Variants in PCDHGA2 observed in about 807,000 individuals in gnomAD.
PCDHGA2 encodes protocadherin gamma subfamily A, 2.
PCDHGA2 carries 40 observed loss-of-function variants against 59.2 expected under a neutral mutation model. The ratio of observed to expected loss-of-function variants is 0.68; its 90% CI spans 0.52 to 0.88. The LOEUF (loss-of-function observed/expected upper bound fraction) is 0.88, where lower values mean the gene tolerates loss of function less well. Ranked by LOEUF, PCDHGA2 falls within the 40% of genes least tolerant of loss-of-function variation. The pLI is 0.00. For synonymous variants in PCDHGA2, 560 were observed against 526.0 expected (o/e 1.06, Z -0.89); for missense variants, 1,226 against 1,204.0 (o/e 1.02, Z -0.27).
In PCDHGA2 at chr5:141,340,226, A is replaced by G. The variant is rs757697109; in HGVS notation, c.1255A>G (p.Asn419Asp). 6.2e-7 allele frequency: 1 copy of G among 1,614,118 alleles called. No individual in the cohort carries two copies. The highest frequency in any genetic ancestry group is 1.7e-5 in the Admixed American group (1 of 60,020). ...TGACAGGGAACAGTTTTCCTTTTAC[A>G]ACATCACTCTAACCGCTAAAGATGG... ...ALDREQFSFY[N>D]ITLTAKDGGN... Residue 419 changes from asparagine to aspartate, a missense_variant, in exon 1 of 4, where the codon AAC becomes GAC. Asn to Asp is a conservative substitution (Grantham distance 23, BLOSUM62 1). Coordinates refer to ENST00000394576, the MANE Select transcript of PCDHGA2 (RefSeq NM_018915.4).
At chr5:141,464,400 G>GAGATATATATATATCTATATATAT (rs2099082782) in intron 1 of PCDHGA2, among the ~76,000 whole-genome samples, 3 of 151,366 alleles carry the variant, frequency 2.0e-5, no homozygotes, top group African/African-American at 4.9e-5. Context: ...TGAAGAACCT[G>GAGATATATATATATCTATATATAT]AGATATATAT....
At chr5:141,375,731 C>G in intron 1 of PCDHGA2, 2 of 1,614,256 alleles carry the variant, frequency 1.2e-6, no homozygotes, top group Non-Finnish European at 1.7e-6. Context: ...GTCACTGAGC[C>G]TGTTTGTGCT....
chr5:141,364,998 C>T (rs912689186), intron 1 of PCDHGA2: 1 of 1,613,920 alleles, frequency 6.2e-7, no homozygotes, highest in Non-Finnish European at 8.5e-7. Flanking sequence ...CCGGTACTCT[C>T]CGGCACCACG....
At chr5:141,351,687 A>T in intron 1 of PCDHGA2, 1 of 1,613,944 alleles carries the variant, frequency 6.2e-7, no homozygotes, top group East Asian at 2.2e-5. Context: ...TCCGACCCGG[A>T]TTTGGGACCC....
intron 1 of PCDHGA2, among the ~76,000 whole-genome samples, chr5:141,492,641 G>A (rs2099742804): frequency 6.6e-6 from 1 of 152,226 alleles, no homozygotes; most frequent in African/African-American, 2.4e-5. Flanking sequence ...ACGATCCTTG[G>A]GCCAGAGGTC....
At chr5:141,403,209 C>T (rs1247618991) in intron 1 of PCDHGA2, 2 of 1,613,982 alleles carry the variant, frequency 1.2e-6, no homozygotes, top group Admixed American at 1.7e-5. Context: ...ACCTTGGTCA[C>T]CGCGGGTAGG....
At chr5:141,344,333 G>T in intron 1 of PCDHGA2, 3 of 1,613,986 alleles carry the variant, frequency 1.9e-6, no homozygotes, top group East Asian at 2.2e-5. Context: ...CTCAGATCCC[G>T]CTGTGTCTGG....
rs746677262 is a variant in PCDHGA2 at position 141,339,146 on chromosome 5, C to A, written c.175C>A (p.Leu59Met). Residue 59 changes from leucine (L) to methionine (M), a missense_variant, in exon 1 of 4, where the codon CTG becomes ATG. Coordinates refer to ENST00000394576, the MANE Select transcript of PCDHGA2 (RefSeq NM_018915.4). The stretch of plus-strand genomic sequence containing the variant: ...GGACTTGGGTTTGGAGCCCCTGGCA[C>A]TGGCAGAGCAGGGAGTCCGCATCGT... ...AKDLGLEPLALAEQGVRIVSR... is the reference protein window; with the variant it reads ...AKDLGLEPLAMAEQGVRIVSR... The A allele has an allele frequency of 6.2e-7, 1 of 1,614,218 alleles. No individual in the cohort carries two copies. Among genetic ancestry groups the A allele is most frequent in the Non-Finnish European group, 8.5e-7 (1 of 1,180,014 alleles).
At position 141,374,694 on chromosome 5, in the gene PCDHGA2, G is replaced by T. The variant is rs375847789; in HGVS notation, c.2424+33299G>T. The T allele has an allele frequency of 1.2e-6, 2 of 1,609,362 alleles. No individual in the cohort carries two copies. Among genetic ancestry groups the T allele is most frequent in the Non-Finnish European group, 1.7e-6 (2 of 1,177,726 alleles). On this transcript the variant is annotated intron_variant, in intron 1 of 3. Coordinates refer to ENST00000394576, the MANE Select transcript of PCDHGA2 (RefSeq NM_018915.4). ...CTGGAGGGCACACTGGACCGGGAAG[G>T]AGAAGCCGTTTACCGCCTGGTCCTT...
At chr5:141,350,580 C>T in intron 1 of PCDHGA2, 1 of 1,614,074 alleles carries the variant, frequency 6.2e-7, no homozygotes, top group Non-Finnish European at 8.5e-7. Flanking sequence ...GAAACGGTCG[C>T]TGAAAACCCA....
intron 1 of PCDHGA2, among the ~76,000 whole-genome samples, chr5:141,343,665 A>G (rs1271937533): frequency 2.6e-5 from 4 of 152,244 alleles, no homozygotes; most frequent in Non-Finnish European, 4.4e-5. Flanking sequence ...TATCGATTCA[A>G]TTATGTTCAA....
At chr5:141,454,249 C>T (rs1215688507) in intron 1 of PCDHGA2, among the ~76,000 whole-genome samples, 3 of 152,192 alleles carry the variant, frequency 2.0e-5, no homozygotes, top group Non-Finnish European at 4.4e-5. Context: ...ATGAAGATGT[C>T]CCAGAGAAAG....
In PCDHGA2 at chr5:141,415,612, G is replaced by A. The variant is rs745660439; in HGVS notation, c.2424+74217G>A. 12 of 1,612,854 alleles carry A rather than the reference G, an allele frequency of 7.4e-6. No homozygotes were observed. The South Asian group carries it at 1.2e-4, about 16-fold the overall frequency. ...TATAGAGGATACCCCATTGGTTCCA[G>A]TGAGTTTTATTTTCATTTTTACTTT... On this transcript the variant is annotated intron_variant, in intron 1 of 3. Transcript: ENST00000394576.
intron 1 of PCDHGA2, chr5:141,414,659 T>A (rs566999623): frequency 6.2e-7 from 1 of 1,614,010 alleles, no homozygotes; most frequent in South Asian, 1.1e-5. Flanking sequence ...ATTTACTCCC[T>A]GGCTGAAGAC....
intron 1 of PCDHGA2, chr5:141,366,661 C>A (rs976652914): frequency 1.2e-6 from 2 of 1,614,268 alleles, no homozygotes; most frequent in Admixed American, 3.3e-5. Flanking sequence ...ACTACGCAGA[C>A]ACGCTCCTTA....
chr5:141,366,685 T>C (rs1764741162), intron 1 of PCDHGA2: 3 of 1,614,116 alleles, frequency 1.9e-6, no homozygotes, highest in African/African-American at 2.7e-5. Context: ...AAGAGAGCTG[T>C]GAGAAAAGCG....
chr5:141,344,107 A>T, intron 1 of PCDHGA2: 1 of 1,613,998 alleles, frequency 6.2e-7, no homozygotes, highest in Non-Finnish European at 8.5e-7. Context: ...ACGCTGTGCG[A>T]AACAGGATCC....
chr5:141,385,420 A>T, intron 1 of PCDHGA2: 1 of 1,465,218 alleles, frequency 6.8e-7, no homozygotes, highest in Non-Finnish European at 9.0e-7. Flanking sequence ...AGGGATTTAA[A>T]AAACTTTATA....
At position 141,489,378 on chromosome 5, in the gene PCDHGA2, G is replaced by A. The variant is rs1562129701; in HGVS notation, c.2425-5429G>A. ...AGTCTGAGCCGGGGACGCTGGTGGGGAATGTTGCTCAGGATCTGGGCTTAA... is the reference window on the plus strand; with the variant it reads ...AGTCTGAGCCGGGGACGCTGGTGGGAAATGTTGCTCAGGATCTGGGCTTAA... On this transcript the variant is annotated intron_variant, in intron 1 of 3. Coordinates refer to ENST00000394576, the MANE Select transcript of PCDHGA2 (RefSeq NM_018915.4). The surrounding 1 kb of genome is among the most constrained non-coding windows in gnomAD (Gnocchi z 4.5). 1.2e-6 allele frequency: 2 copies of A among 1,613,908 alleles called. No homozygotes were observed. The highest frequency in any genetic ancestry group is 3.3e-5 in the Admixed American group (2 of 60,026).
Sources: allele counts gnomAD v4.1 joint callset (sites outside exome capture counted in the v4.1 genomes callset), GRCh38; gene constraint gnomAD v4.1.1; non-coding constraint Gnocchi (gnomAD v3.1); transcripts MANE v1.5; gene names NCBI Gene and HGNC (gene_info 2026-07-23, HGNC 2026-07-21).